SPAG16: variants seen among roughly 807,000 people sequenced by gnomAD.
SPAG16 encodes the protein sperm-associated antigen 16 protein.
Under a neutral mutation model 80.4 loss-of-function variants are expected in SPAG16, and 86 were observed. The ratio of observed to expected loss-of-function variants is 1.07; its 90% confidence interval spans 0.90 to 1.28. The LOEUF is 1.28. Among genes scored for constraint, SPAG16 ranks in the 50% most tolerant of loss-of-function variants. SPAG16 has a pLI of 0.00. For synonymous variants in SPAG16, 294 were observed against 265.9 expected (o/e 1.11, Z -1.03); for missense variants, 870 against 765.3 (o/e 1.14, Z -1.61).
intron 13 of SPAG16, among the ~76,000 whole-genome samples, chr2:214,019,865 C>A (rs1285699421): frequency 6.6e-6 from 1 of 152,080 alleles, no homozygotes; most frequent in African/African-American, 2.4e-5. Context: ...AATCCCTGCC[C>A]TCAATGAACA....
intron 10 of SPAG16, among the ~76,000 whole-genome samples, chr2:213,495,907 G>C (rs2074459673): frequency 6.6e-6 from 1 of 152,166 alleles, no homozygotes; most frequent in South Asian, 2.1e-4. Context: ...TGGAGAATAG[G>C]AGGGGGAATA....
chr2:213,615,278 G>T (rs1250936108), intron 10 of SPAG16, among the ~76,000 whole-genome samples: 1 of 152,156 alleles, frequency 6.6e-6, no homozygotes, highest in African/African-American at 2.4e-5. Flanking sequence ...TTGAGATTTT[G>T]CTCATTGTAG....
chr2:213,557,683 G>C (rs2059471133), intron 10 of SPAG16, among the ~76,000 whole-genome samples: 1 of 152,050 alleles, frequency 6.6e-6, no homozygotes, highest in Admixed American at 6.6e-5. Flanking sequence ...GAATTCCTGG[G>C]CTCAAGCAAT....
intron 5 of SPAG16, among the ~76,000 whole-genome samples, chr2:213,322,987 T>G (rs2063687814): frequency 6.6e-6 from 1 of 152,030 alleles, no homozygotes; most frequent in African/African-American, 2.4e-5. Flanking sequence ...GAAACTTGCT[T>G]TTTCCCCCAG....
chr2:214,084,014 T>G (rs2051556656), intron 13 of SPAG16, among the ~76,000 whole-genome samples: 1 of 152,178 alleles, frequency 6.6e-6, no homozygotes, highest in Non-Finnish European at 1.5e-5. Context: ...ACCGAGACTT[T>G]CAGTGAATAA....
At chr2:213,374,622 C>T (rs1387208) in intron 8 of SPAG16, among the ~76,000 whole-genome samples, 99,784 of 148,718 alleles carry the variant, frequency 0.67, 33,991 homozygotes, top group East Asian at 1. Flanking sequence ...TTTATTAATA[C>T]AATATTCTTT....
intron 15 of SPAG16, among the ~76,000 whole-genome samples, chr2:214,274,128 A>T (rs773929965): frequency 6.6e-6 from 1 of 152,146 alleles, no homozygotes; most frequent in Admixed American, 6.5e-5. Context: ...AATGCTTGTG[A>T]TCTTTACACA....
intron 13 of SPAG16, among the ~76,000 whole-genome samples, chr2:214,097,982 G>T (rs576192871): frequency 6.6e-6 from 1 of 152,024 alleles, no homozygotes; most frequent in Non-Finnish European, 1.5e-5. Context: ...GTGTTCCAAG[G>T]GCACAGTAAG....
chr2:213,461,842 G>A (rs2072383420), intron 9 of SPAG16, among the ~76,000 whole-genome samples: 1 of 152,124 alleles, frequency 6.6e-6, no homozygotes, highest in Admixed American at 6.5e-5. Flanking sequence ...AAAAGATACA[G>A]ATGGTTATGG....
chr2:213,296,048 T>G lies in SPAG16; in HGVS notation c.137-16T>G. On this transcript the variant is annotated splice_polypyrimidine_tract_variant and intron_variant, in intron 1 of 15. Transcript: ENST00000331683. ...ATTCTATATTTTTTGAGATTAAAAC[T>G]TGACAAGATATTCAGAGGTCACCAT... The G allele has an allele frequency of 6.2e-7, 1 of 1,605,440 alleles. No individual in the cohort carries two copies. Among genetic ancestry groups the G allele is most frequent in the Non-Finnish European group, 8.5e-7 (1 of 1,173,314 alleles).
Position 213,661,045 on chromosome 2 carries a change from G to A in SPAG16, c.1070+170955G>A, listed in dbSNP as rs182092605. Among the ~76,000 whole-genome samples, 6 of 152,230 alleles carry A rather than the reference G, an allele frequency of 3.9e-5. No homozygotes were observed. The East Asian group carries it at 1.2e-3, about 29-fold the overall frequency. ...TCTGCCAGATTTCGTAGCCCCCACTGCCTGGTGTTGGGTCTGGTCACTCCA... is the reference window on the plus strand; with the variant it reads ...TCTGCCAGATTTCGTAGCCCCCACTACCTGGTGTTGGGTCTGGTCACTCCA... On this transcript the variant is annotated intron_variant, in intron 10 of 15. Coordinates refer to ENST00000331683, the MANE Select transcript of SPAG16 (RefSeq NM_024532.5).
chr2:213,625,196 T>C (rs919559451), intron 10 of SPAG16, among the ~76,000 whole-genome samples: 1 of 152,156 alleles, frequency 6.6e-6, no homozygotes, highest in Admixed American at 6.5e-5. Context: ...GATTGGGTAA[T>C]TGACAAAGAA....
chr2:213,426,836 TACACACACACACACACACACACACAC>T (rs199604984), intron 9 of SPAG16, among the ~76,000 whole-genome samples: 1 of 125,830 alleles, frequency 7.9e-6, no homozygotes, highest in South Asian at 2.9e-4. Context: ...TTCTGATACA[TACACACACACACACACACACACACAC>T]ACACACACAC....
At chr2:214,118,958 C>T (rs2054082951) in intron 14 of SPAG16, among the ~76,000 whole-genome samples, 1 of 152,034 alleles carries the variant, frequency 6.6e-6, no homozygotes, top group Non-Finnish European at 1.5e-5. Context: ...AAATATACTA[C>T]AATGCTAAGA....
At chr2:213,890,921 T>C (rs1290445854) in intron 11 of SPAG16, among the ~76,000 whole-genome samples, 1 of 152,034 alleles carries the variant, frequency 6.6e-6, no homozygotes, top group Non-Finnish European at 1.5e-5. Flanking sequence ...TCTATGAGCA[T>C]ACAGCTTAGA....
rs1477755887 is a variant in SPAG16 at position 213,769,902 on chromosome 2, C to CA, written c.1071-92581dup. Reference sequence around the variant, plus strand: ...TTGCTATCAACTCACAAAGTGTGCCCAATAAGCCACTGCACCCTGAAGCAA... The same window carrying CA: ...TTGCTATCAACTCACAAAGTGTGCCCAAATAAGCCACTGCACCCTGAAGCAA... On this transcript the variant is annotated intron_variant, in intron 10 of 15. Coordinates refer to ENST00000331683, the MANE Select transcript of SPAG16 (RefSeq NM_024532.5). Among the ~76,000 whole-genome samples, 7 of 152,246 alleles carry CA rather than the reference C, an allele frequency of 4.6e-5. No homozygotes were observed. In the East Asian group the frequency reaches 1.4e-3, roughly 29 times the overall value.
intron 15 of SPAG16, among the ~76,000 whole-genome samples, chr2:214,393,395 A>G (rs1227674301): frequency 2.6e-5 from 4 of 152,100 alleles, no homozygotes; most frequent in Non-Finnish European, 5.9e-5. Flanking sequence ...TGAGTTTAAT[A>G]TGTTATTTTT....
At chr2:213,715,494 T>C (rs2066201336) in intron 10 of SPAG16, among the ~76,000 whole-genome samples, 2 of 152,190 alleles carry the variant, frequency 1.3e-5, no homozygotes, top group Non-Finnish European at 2.9e-5. Flanking sequence ...GCTTGGGTTC[T>C]AGCACCGTGT....
chr2:213,414,725 A>T (rs576399500), intron 9 of SPAG16, among the ~76,000 whole-genome samples: 2 of 152,382 alleles, frequency 1.3e-5, no homozygotes, highest in East Asian at 3.9e-4. Context: ...AAATAGTCTG[A>T]CTTAAATTTA....
Sources: allele counts gnomAD v4.1 joint callset (sites outside exome capture counted in the v4.1 genomes callset), GRCh38; gene constraint gnomAD v4.1.1; transcripts MANE v1.5; gene names NCBI Gene and HGNC (gene_info 2026-07-23, HGNC 2026-07-21).